Variants in SGMS1 observed in about 807,000 individuals in gnomAD.
SGMS1 encodes the protein phosphatidylcholine:ceramide cholinephosphotransferase 1.
Under a neutral mutation model 46.2 loss-of-function variants are expected in SGMS1, and 13 were observed. That is an observed-to-expected ratio of 0.28 (90% CI 0.18 to 0.45). The LOEUF is 0.45. Ranked by LOEUF, SGMS1 falls within the 20% of genes least tolerant of loss-of-function variation. SGMS1 has a pLI of 1.00. For missense variants in SGMS1, 324 were observed against 519.9 expected, an observed-to-expected ratio of 0.62 and a Z score of 3.66; for synonymous variants, 203 against 187.8, an observed-to-expected ratio of 1.08 and a Z score of -0.66.
intron 8 of SGMS1, among the ~76,000 whole-genome samples, chr10:50,326,627 T>A (rs952474314): frequency 3.3e-5 from 5 of 152,092 alleles, no homozygotes; most frequent in African/African-American, 1.2e-4. Flanking sequence ...AAGGTAAAGG[T>A]TAGGAGGTGA....
At position 50,623,865 on chromosome 10, in the gene SGMS1, T is replaced by C. The variant is rs1588896471; in HGVS notation, c.-842A>G. On this transcript the variant is annotated 5_prime_UTR_variant, in exon 1 of 11. Transcript: ENST00000361781. ...AGAGCAGTCAGCCCAGGCCGGTCCT[T>C]CTCACTCCCGACCTGCCCGCCGCCT... 2 of 985,746 alleles carry C rather than the reference T, an allele frequency of 2.0e-6. No homozygotes were observed. Among genetic ancestry groups the C allele is most frequent in the Non-Finnish European group, 2.4e-6 (2 of 830,428 alleles). The allele number at this position is 985,746 out of a possible 1,614,324, so 61.1% of individuals were successfully genotyped here.
At position 50,370,435 on chromosome 10, in the gene SGMS1, A is replaced by T. The variant is rs568137455; in HGVS notation, c.-231-26090T>A. Reference sequence around the variant, plus strand: ...TTTTAATTTTTTTTTTACTTAAAAAATTTTTTTTTTTTAAACAAAGACACA... The same window carrying T: ...TTTTAATTTTTTTTTTACTTAAAAATTTTTTTTTTTTTAAACAAAGACACA... On this transcript the variant is annotated intron_variant, in intron 6 of 10. Coordinates refer to ENST00000361781, the MANE Select transcript of SGMS1 (RefSeq NM_147156.4). 5.1e-3 allele frequency among the ~76,000 whole-genome samples: 751 copies of T among 148,296 alleles called. 7 individuals carry two copies. The highest frequency in any genetic ancestry group is 0.014 in the African/African-American group (574 of 40,620).
At chr10:50,450,191 C>A (rs904851339) in intron 5 of SGMS1, among the ~76,000 whole-genome samples, 2 of 152,036 alleles carry the variant, frequency 1.3e-5, no homozygotes, top group Non-Finnish European at 2.9e-5. Context: ...GTAGTGAAAT[C>A]ATATCATTCT....
At chr10:50,532,108 G>A (rs182751575) in intron 2 of SGMS1, among the ~76,000 whole-genome samples, 129 of 152,234 alleles carry the variant, frequency 8.5e-4, no homozygotes, top group African/African-American at 2.8e-3. Flanking sequence ...TGTGGAGTCC[G>A]CAAGTTCTTC....
intron 6 of SGMS1, among the ~76,000 whole-genome samples, chr10:50,432,787 A>G (rs1452582248): frequency 1.3e-5 from 2 of 152,234 alleles, no homozygotes; most frequent in African/African-American, 2.4e-5. Flanking sequence ...TATACAGATG[A>G]GTTGACTAAG....
chr10:50,529,068 C>T (rs939374507), intron 2 of SGMS1, among the ~76,000 whole-genome samples: 1 of 152,164 alleles, frequency 6.6e-6, no homozygotes, highest in African/African-American at 2.4e-5. Context: ...AACAAAGGAA[C>T]ATCAATGGCA....
chr10:50,514,626 T>C (rs1013138711), intron 3 of SGMS1, among the ~76,000 whole-genome samples: 11 of 152,206 alleles, frequency 7.2e-5, no homozygotes, highest in Non-Finnish European at 1.5e-4. Context: ...CATTAGACCA[T>C]TATTCTGCTA....
chr10:50,613,985 ATAAT>A (rs1267516942), intron 1 of SGMS1, among the ~76,000 whole-genome samples: 1 of 152,202 alleles, frequency 6.6e-6, no homozygotes, highest in African/African-American at 2.4e-5. Flanking sequence ...GTTTTCTGCT[ATAAT>A]TAAACTAGGC....
intron 2 of SGMS1, among the ~76,000 whole-genome samples, chr10:50,560,010 G>A (rs916224751): frequency 4.0e-5 from 6 of 148,922 alleles, no homozygotes; most frequent in Non-Finnish European, 7.4e-5. Context: ...TTTTTCCTTC[G>A]ATTTGTTGCA....
chr10:50,376,223 A>C (rs1437674803), intron 6 of SGMS1, among the ~76,000 whole-genome samples: 1 of 152,158 alleles, frequency 6.6e-6, no homozygotes, highest in Non-Finnish European at 1.5e-5. Context: ...TATACACTAA[A>C]ATGCACAAAA....
At chr10:50,568,734 T>TAA (rs1485943728) in intron 2 of SGMS1, among the ~76,000 whole-genome samples, 1 of 152,212 alleles carries the variant, frequency 6.6e-6, no homozygotes, top group Non-Finnish European at 1.5e-5. Flanking sequence ...TACAACACTG[T>TAA]AAACACTTTT....
intron 6 of SGMS1, among the ~76,000 whole-genome samples, chr10:50,398,253 C>G (rs1033334097): frequency 3.3e-5 from 5 of 152,102 alleles, no homozygotes; most frequent in African/African-American, 1.2e-4. Context: ...AGGCTCTAAA[C>G]AGATGTATAA....
rs547667737 is a variant in SGMS1, at chr10:50,471,674, G to T, written c.-497-4742C>A. On this transcript the variant is annotated intron_variant, in intron 3 of 10. Coordinates refer to ENST00000361781, the MANE Select transcript of SGMS1 (RefSeq NM_147156.4). The stretch of plus-strand genomic sequence containing the variant: ...TCAATCCCTGTTTTAGCCTTTGCAG[G>T]TTGCCCAGCAGTATCTGAGGTTCCT... Among the ~76,000 whole-genome samples the T allele has an allele frequency of 7.0e-4, 107 of 152,194 alleles. 1 individual carries two copies. The South Asian group carries it at 9.3e-3, about 13-fold the overall frequency.
At chr10:50,580,994 C>G (rs1468715222) in intron 2 of SGMS1, among the ~76,000 whole-genome samples, 1 of 152,154 alleles carries the variant, frequency 6.6e-6, no homozygotes, top group Admixed American at 6.5e-5. Context: ...CACACCCCAC[C>G]CCCAGAGTTT....
At chr10:50,311,040 T>C (rs902293796) in intron 9 of SGMS1, among the ~76,000 whole-genome samples, 2 of 151,794 alleles carry the variant, frequency 1.3e-5, no homozygotes, top group African/African-American at 4.8e-5. Context: ...ACCCCAGTAC[T>C]ACAGATGACA....
At chr10:50,428,449 G>A (rs1413471850) in intron 6 of SGMS1, among the ~76,000 whole-genome samples, 2 of 152,092 alleles carry the variant, frequency 1.3e-5, no homozygotes. Flanking sequence ...CCTTTCACAG[G>A]GATGGAAGGT....
chr10:50,358,596 T>C (rs1848194520), intron 6 of SGMS1, among the ~76,000 whole-genome samples: 1 of 152,148 alleles, frequency 6.6e-6, no homozygotes, highest in African/African-American at 2.4e-5. Context: ...AGCTGAGGCA[T>C]GAGAATTGCT....
intron 6 of SGMS1, among the ~76,000 whole-genome samples, chr10:50,424,870 C>CCATTG (rs1849301116): frequency 6.7e-6 from 1 of 149,848 alleles, no homozygotes; most frequent in Admixed American, 6.7e-5. Flanking sequence ...CAAGATTGCG[C>CCATTG]CATTGCACTC....
intron 6 of SGMS1, among the ~76,000 whole-genome samples, chr10:50,357,244 T>C (rs1440724460): frequency 6.6e-6 from 1 of 151,946 alleles, no homozygotes; most frequent in African/African-American, 2.4e-5. Flanking sequence ...CATGACATGG[T>C]AAAAACGATG....
Sources: allele counts gnomAD v4.1 joint callset (sites outside exome capture counted in the v4.1 genomes callset), GRCh38; gene constraint gnomAD v4.1.1; transcripts MANE v1.5; gene names NCBI Gene and HGNC (gene_info 2026-07-23, HGNC 2026-07-21).